Variants in KCNN2 observed in about 807,000 individuals in gnomAD.
KCNN2 encodes the protein potassium calcium-activated channel subfamily N member 2.
A neutral mutation model predicts 55.5 loss-of-function variants in KCNN2; 24 were observed. The observed-to-expected ratio is 0.43, with a 90% confidence interval of 0.31 to 0.61. The LOEUF (loss-of-function observed/expected upper bound fraction) is 0.61, where lower values mean the gene tolerates loss of function less well. KCNN2 is among the 20% of genes least tolerant of loss of function. The pLI, the probability that KCNN2 is intolerant of heterozygous loss-of-function variation, is 0.08. For missense variants in KCNN2, 754 were observed against 853.6 expected (o/e 0.88, Z 1.45); for synonymous variants, 431 against 336.1 (o/e 1.28, Z -3.09).
At chr5:114,130,326 C>T (rs2954358) in intron 1 of KCNN2, among the ~76,000 whole-genome samples, 90,363 of 152,068 alleles carry the variant, frequency 0.59, 27,389 homozygotes, top group African/African-American at 0.71. Flanking sequence ...GCTTGCTTTC[C>T]AGTTACTTAA....
intron 3 of KCNN2, among the ~76,000 whole-genome samples, chr5:114,440,728 T>G (rs1002720787): frequency 1.3e-5 from 2 of 152,108 alleles, no homozygotes; most frequent in African/African-American, 2.4e-5. Flanking sequence ...CAAGTATGTC[T>G]TGTTAAAAGT....
At chr5:114,354,454 A>T (rs766849593) in intron 2 of KCNN2, among the ~76,000 whole-genome samples, 9 of 152,082 alleles carry the variant, frequency 5.9e-5, no homozygotes, top group Non-Finnish European at 1.2e-4. Flanking sequence ...TATGAATATG[A>T]GGGCTAAAAC....
chr5:114,375,952 G>GTATATATATATA lies in KCNN2; in HGVS notation c.1218+11965_1218+11976dup, dbSNP rs6149186. 2.0e-3 allele frequency among the ~76,000 whole-genome samples: 213 copies of GTATATATATATA among 104,694 alleles called. 8 individuals carry two copies. The highest frequency in any genetic ancestry group is 5.1e-3 in the African/African-American group (143 of 28,188). The allele number at this position is 104,694 out of a possible 152,430, so 68.7% of individuals were successfully genotyped here. A position where few individuals can be genotyped will look rare whatever the true frequency, so the allele number is the denominator to read the frequency against. ...AATCATTTAAAAAAAGACTCACAGT[G>GTATATATATATA]TATATATATATATATATATATATAT... On this transcript the variant is annotated intron_variant, in intron 2 of 7. Transcript: ENST00000673685.
intron 3 of KCNN2, among the ~76,000 whole-genome samples, chr5:114,443,135 A>G (rs1760278451): frequency 6.6e-6 from 1 of 152,048 alleles, no homozygotes; most frequent in Admixed American, 6.6e-5. Context: ...TGCTAAAAAT[A>G]CAAAAATTAA....
chr5:114,234,009 T>C (rs2112607247), intron 2 of KCNN2, among the ~76,000 whole-genome samples: 1 of 151,872 alleles, frequency 6.6e-6, no homozygotes, highest in East Asian at 1.9e-4. Context: ...TCAACATGAA[T>C]TTTAACTTGG....
intron 1 of KCNN2, among the ~76,000 whole-genome samples, chr5:114,218,335 C>T (rs562365220): frequency 3.1e-4 from 47 of 152,256 alleles, no homozygotes; most frequent in African/African-American, 1.1e-3. Context: ...TTGGAAGCAA[C>T]AAAGATATCC....
intron 1 of KCNN2, among the ~76,000 whole-genome samples, chr5:114,219,568 C>T (rs191406726): frequency 2.3e-3 from 348 of 152,188 alleles, no homozygotes; most frequent in African/African-American, 7.7e-3. Flanking sequence ...TCTCCAATGT[C>T]CAGCTGTAAT....
intron 1 of KCNN2, among the ~76,000 whole-genome samples, chr5:114,146,558 T>G (rs1242785594): frequency 6.6e-6 from 1 of 152,076 alleles, no homozygotes; most frequent in Non-Finnish European, 1.5e-5. Context: ...TTGGAAAAGG[T>G]GTCAACTGTG....
chr5:114,355,016 T>A (rs1437999789), intron 2 of KCNN2, among the ~76,000 whole-genome samples: 1 of 152,200 alleles, frequency 6.6e-6, no homozygotes, highest in Non-Finnish European at 1.5e-5. Context: ...TTTATTTACA[T>A]CTGGAGTGTT....
intron 2 of KCNN2, among the ~76,000 whole-genome samples, chr5:114,266,829 C>G (rs1288602696): frequency 6.6e-6 from 1 of 152,126 alleles, no homozygotes; most frequent in Non-Finnish European, 1.5e-5. Context: ...CTCACAGTTC[C>G]CACCAGCATC....
At chr5:114,272,333 TACACA>T (rs1755359035) in intron 2 of KCNN2, among the ~76,000 whole-genome samples, 15 of 122,090 alleles carry the variant, frequency 1.2e-4, no homozygotes, top group African/African-American at 5.1e-4. Flanking sequence ...TATGTACATA[TACACA>T]CATATATGTA....
At chr5:114,352,858 T>A (rs75186800) in intron 2 of KCNN2, among the ~76,000 whole-genome samples, 1 of 151,896 alleles carries the variant, frequency 6.6e-6, no homozygotes, top group Non-Finnish European at 1.5e-5. Context: ...AAATGTGTGT[T>A]CTGCTGTTGC....
At chr5:114,306,970 C>T (rs1012095707) in intron 2 of KCNN2, among the ~76,000 whole-genome samples, 17 of 151,954 alleles carry the variant, frequency 1.1e-4, no homozygotes, top group Admixed American at 1.1e-3. Context: ...TCCCAAAGTG[C>T]TGGGATTACA....
rs532749330 is a variant in KCNN2 at position 114,352,898 on chromosome 5, G to C, written c.-184-8047G>C. Among the ~76,000 whole-genome samples the C allele has an allele frequency of 2.9e-4, 44 of 151,924 alleles. 1 individual carries two copies. The South Asian group carries it at 8.7e-3, about 30-fold the overall frequency. ...GAGAATGTTCTGTAAATGTCTGTGA[G>C]GTACAGTTGGTTTATACTGCTGTTA... On this transcript the variant is annotated intron_variant, in intron 2 of 10. Coordinates refer to the KCNN2 transcript ENST00000512097.
intron 5 of KCNN2, among the ~76,000 whole-genome samples, chr5:114,482,126 T>C (rs1351045308): frequency 1.3e-5 from 2 of 152,214 alleles, no homozygotes; most frequent in East Asian, 1.9e-4. Flanking sequence ...GTTTGCAATC[T>C]GTCCATCTGA....
chr5:114,405,552 G>A (rs1028000064), intron 3 of KCNN2, among the ~76,000 whole-genome samples: 8 of 152,076 alleles, frequency 5.3e-5, no homozygotes, highest in African/African-American at 1.9e-4. Flanking sequence ...ACATAAGCAG[G>A]AATAGTTGTC....
At chr5:114,453,613 C>A (rs1760790300) in intron 3 of KCNN2, among the ~76,000 whole-genome samples, 1 of 152,070 alleles carries the variant, frequency 6.6e-6, no homozygotes, top group Non-Finnish European at 1.5e-5. Flanking sequence ...CCATATTATC[C>A]TTCTGGAAAG....
intron 1 of KCNN2, among the ~76,000 whole-genome samples, chr5:114,208,211 C>T (rs1315423164): frequency 6.6e-6 from 1 of 152,182 alleles, no homozygotes; most frequent in Non-Finnish European, 1.5e-5. Context: ...TTCAAGATTT[C>T]TAACTTCATT....
intron 3 of KCNN2, among the ~76,000 whole-genome samples, chr5:114,450,390 A>G (rs1760620495): frequency 6.6e-6 from 1 of 152,212 alleles, no homozygotes; most frequent in Non-Finnish European, 1.5e-5. Flanking sequence ...GGCACGCAGC[A>G]GGAGCTGAAT....
Sources: allele counts gnomAD v4.1 joint callset (sites outside exome capture counted in the v4.1 genomes callset), GRCh38; gene constraint gnomAD v4.1.1; transcripts MANE v1.5; gene names NCBI Gene and HGNC (gene_info 2026-07-23, HGNC 2026-07-21).